The following MPZL1 variants were observed in gnomAD, a reference collection of about 807,000 sequenced individuals.
MPZL1 encodes the protein myelin protein zero like 1.
A neutral mutation model predicts 29.3 loss-of-function variants in MPZL1; 16 were observed. The ratio of observed to expected loss-of-function variants is 0.55; its 90% CI spans 0.37 to 0.83. The LOEUF is 0.83. MPZL1 is among the 40% of genes least tolerant of loss of function. MPZL1 has a pLI of 0.00. For synonymous variants in MPZL1, 143 were observed against 132.0 expected (o/e 1.08, Z -0.57); for missense variants, 279 against 332.9 (o/e 0.84, Z 1.26).
chr1:167,768,833 C>CCG (rs1473313636), intron 2 of MPZL1, among the ~76,000 whole-genome samples: 2 of 152,170 alleles, frequency 1.3e-5, no homozygotes, highest in African/African-American at 4.8e-5. Flanking sequence ...TAGCTCATCC[C>CCG]CGCTGGTTCA....
chr1:167,765,589 C>G lies in MPZL1; in HGVS notation c.98C>G (p.Ala33Gly). ...CTTATTCCTTTCTCTTCAGTGACAG[C>G]TGGAGTATCAGCCTTGGAAGTATAT... ...VLAAALGLLTAGVSALEVYTP... is the reference protein window; with the variant it reads ...VLAAALGLLTGGVSALEVYTP... The change falls in exon 2 of 6, where the codon GCT becomes GGT. Residue 33 changes from alanine (A) to glycine (G), a missense_variant. Coordinates refer to ENST00000359523, the MANE Select transcript of MPZL1 (RefSeq NM_003953.6). 1 of 1,605,716 alleles carries G rather than the reference C, an allele frequency of 6.2e-7. No individual in the cohort carries two copies. The highest frequency in any genetic ancestry group is 1.3e-5 in the African/African-American group (1 of 74,668).
At chr1:167,739,903 C>T (rs2101756892) in intron 1 of MPZL1, among the ~76,000 whole-genome samples, 1 of 152,326 alleles carries the variant, frequency 6.6e-6, no homozygotes, top group South Asian at 2.1e-4. Flanking sequence ...TTCACTACGA[C>T]AGTTTCTGGA....
rs577771741 is a variant in MPZL1, at chr1:167,783,910, T to C, written c.709-3910T>C. On this transcript the variant is annotated intron_variant, in intron 5 of 5. Transcript: ENST00000359523. ...GTAGTCAATGAGCACATGGTAAAAA[T>C]AGATGTTCTTTCTTAGTGATTCGTG... 6.6e-5 allele frequency among the ~76,000 whole-genome samples: 10 copies of C among 152,242 alleles called. No homozygotes were observed. In the South Asian group the frequency reaches 1.0e-3, roughly 16 times the overall value.
Position 167,788,027 on chromosome 1 carries a change from C to A in MPZL1, c.*106C>A. 1.2e-6 allele frequency: 1 copy of A among 817,364 alleles called. No homozygotes were observed. The highest frequency in any genetic ancestry group is 2.1e-6 in the Non-Finnish European group (1 of 478,500). The allele number at this position is 817,364 out of a possible 1,614,324, so 50.6% of individuals were successfully genotyped here. A position where few individuals can be genotyped will look rare whatever the true frequency, so the allele number is the denominator to read the frequency against. The stretch of plus-strand genomic sequence containing the variant: ...GTAGCCTTGGAGACCCAGGCAAGGA[C>A]AAGTACACGTGTACTCACAGAGGGA... On this transcript the variant is annotated 3_prime_UTR_variant, in exon 6 of 6. Transcript: ENST00000359523.
At chr1:167,768,068 C>T (rs1303637841) in intron 2 of MPZL1, among the ~76,000 whole-genome samples, 1 of 152,010 alleles carries the variant, frequency 6.6e-6, no homozygotes, top group Non-Finnish European at 1.5e-5. Context: ...TGTGCAGTAG[C>T]CCCTTGTTAT....
At chr1:167,770,978 G>C (rs1434617172) in intron 2 of MPZL1, among the ~76,000 whole-genome samples, 1 of 150,330 alleles carries the variant, frequency 6.7e-6, no homozygotes, top group African/African-American at 2.4e-5. Context: ...CATAACTTGT[G>C]ATTTGTAATA....
At chr1:167,760,668 G>C (rs1294281652) in intron 1 of MPZL1, among the ~76,000 whole-genome samples, 1 of 151,938 alleles carries the variant, frequency 6.6e-6, no homozygotes, top group Admixed American at 6.6e-5. Flanking sequence ...AGGAAGTTTG[G>C]GGGGTGGGAA....
At chr1:167,724,644 G>A (rs1319324984) in intron 1 of MPZL1, among the ~76,000 whole-genome samples, 1 of 152,168 alleles carries the variant, frequency 6.6e-6, no homozygotes, top group East Asian at 1.9e-4. Context: ...CACAGATGGG[G>A]AAATAGGAGT....
intron 1 of MPZL1, among the ~76,000 whole-genome samples, chr1:167,764,445 T>G (rs549906233): frequency 6.6e-6 from 1 of 152,350 alleles, no homozygotes; most frequent in South Asian, 2.1e-4. Flanking sequence ...TACGGTGTAA[T>G]CAGCTGTTTA....
At position 167,739,284 on chromosome 1, in the gene MPZL1, T is replaced by TATATATATATATATAC. The variant is rs1558110560; in HGVS notation, c.91+17057_91+17058insCATATATATATATATA. ...ACACATACATATATACATATATACA[T>TATATATATATATATAC]ATATATATATATATATATATATATA... is the stretch of plus-strand genomic sequence containing the variant. On this transcript the variant is annotated intron_variant, in intron 1 of 5. Transcript: ENST00000359523. 2.7e-3 allele frequency among the ~76,000 whole-genome samples: 201 copies of TATATATATATATATAC among 73,714 alleles called. 3 individuals carry two copies. Among genetic ancestry groups the TATATATATATATATAC allele is most frequent in the African/African-American group, 0.01 (188 of 18,196 alleles). 48.4% of individuals were successfully genotyped at this position (73,714 alleles called of 152,430 possible).
At chr1:167,769,986 TAGCCATC>T (rs1260437312) in intron 2 of MPZL1, among the ~76,000 whole-genome samples, 2 of 152,150 alleles carry the variant, frequency 1.3e-5, no homozygotes, top group Non-Finnish European at 2.9e-5. Flanking sequence ...AAAGAAACAG[TAGCCATC>T]AGTGAAGACA....
chr1:167,776,273 GAGAC>G (rs1216214738), intron 5 of MPZL1, 107 bp downstream of exon 5: 10 of 713,812 alleles, frequency 1.4e-5, no homozygotes, highest in East Asian at 9.2e-5. Context: ...GACAGAGACA[GAGAC>G]AGACAGACAG....
chr1:167,745,748 A>G (rs1660633788), intron 1 of MPZL1, among the ~76,000 whole-genome samples: 1 of 152,062 alleles, frequency 6.6e-6, no homozygotes, highest in African/African-American at 2.4e-5. Flanking sequence ...GAAGAACCAA[A>G]TTTGGGTAAA....
chr1:167,765,667 A>C lies in MPZL1; in HGVS notation c.176A>C (p.Lys59Thr), dbSNP rs1214322653. 6.2e-7 allele frequency: 1 copy of C among 1,613,698 alleles called. No homozygotes were observed. The highest frequency in any genetic ancestry group is 8.5e-7 in the Non-Finnish European group (1 of 1,179,824). Residue 59 changes from lysine to threonine, a missense_variant, in exon 2 of 6, where the codon AAG becomes ACG. Physicochemically the swap from Lys to Thr is moderately conservative, Grantham distance 78 (BLOSUM62 -1). Coordinates refer to ENST00000359523, the MANE Select transcript of MPZL1 (RefSeq NM_003953.6). ...GGTACACAAGGGAAGCTGACCTGCA[A>C]GTTCAAGTCTACTAGTACGACTGGC... ...ANGTQGKLTC[K>T]FKSTSTTGGL...
intron 1 of MPZL1, among the ~76,000 whole-genome samples, chr1:167,743,510 C>T (rs1660580146): frequency 6.6e-6 from 1 of 150,816 alleles, no homozygotes; most frequent in Non-Finnish European, 1.5e-5. Flanking sequence ...CTGGCCTTCG[C>T]AATATTAATT....
At chr1:167,752,730 G>T (rs1571150008) in intron 1 of MPZL1, among the ~76,000 whole-genome samples, 1 of 152,184 alleles carries the variant, frequency 6.6e-6, no homozygotes, top group East Asian at 1.9e-4. Flanking sequence ...TCTTTTGCCA[G>T]ATTTTTCTAG....
rs1661636389 is a variant in MPZL1, at chr1:167,788,495, T to C, written c.*574T>C. On this transcript the variant is annotated 3_prime_UTR_variant, in exon 6 of 6. Coordinates refer to ENST00000359523, the MANE Select transcript of MPZL1 (RefSeq NM_003953.6). ...TTGAGAAGTTTTTTTGAAGTTTTTC[T>C]CACTAAAATATGGGGCAATTGTTAG... The C allele has an allele frequency of 6.6e-6, 1 of 152,416 alleles. No homozygotes were observed. The highest frequency in any genetic ancestry group is 1.5e-5 in the Non-Finnish European group (1 of 68,154). 9.4% of individuals were successfully genotyped at this position (152,416 alleles called of 1,614,324 possible). A position where few individuals can be genotyped will look rare whatever the true frequency, so the allele number is the denominator to read the frequency against.
intron 1 of MPZL1, among the ~76,000 whole-genome samples, chr1:167,756,429 ATTT>A (rs11455159): frequency 0.015 from 1,397 of 94,650 alleles, 18 homozygotes; most frequent in African/African-American, 0.04. Context: ...GTCTGGCCAG[ATTT>A]TTTTTTTTTT....
At chr1:167,779,629 T>C (rs1277380674) in intron 5 of MPZL1, among the ~76,000 whole-genome samples, 1 of 151,980 alleles carries the variant, frequency 6.6e-6, no homozygotes, top group Non-Finnish European at 1.5e-5. Flanking sequence ...AATGACAGCA[T>C]TTTATGAGGC....
Sources: gnomAD v4.1 joint callset for allele counts (sites outside exome capture counted in the v4.1 genomes callset) on GRCh38, gnomAD v4.1.1 for gene constraint, MANE v1.5 for transcripts, NCBI Gene and HGNC (gene_info 2026-07-23, HGNC 2026-07-21) for gene names.